Variants in LTBP1 observed in about 807,000 individuals in gnomAD.
The protein encoded by LTBP1 is latent transforming growth factor beta binding protein 1.
In LTBP1, 129 loss-of-function variants were observed where a neutral mutation model predicts 207.6. The observed-to-expected ratio is 0.62, with a 90% CI of 0.54 to 0.72. The LOEUF (loss-of-function observed/expected upper bound fraction) is 0.72, where lower values mean the gene tolerates loss of function less well. Ranked by LOEUF, LTBP1 falls within the 30% of genes least tolerant of loss-of-function variation. The pLI is 0.00. For missense variants in LTBP1, 2,281 were observed against 2,217.2 expected, an observed-to-expected ratio of 1.03 and a Z score of -0.58; for synonymous variants, 963 against 833.7, an observed-to-expected ratio of 1.16 and a Z score of -2.67.
chr2:33,355,671 C>A (rs1279472856), intron 26 of LTBP1, among the ~76,000 whole-genome samples: 1 of 152,108 alleles, frequency 6.6e-6, no homozygotes, highest in Admixed American at 6.5e-5. Context: ...TGCTTTTCCA[C>A]TCTAGAGTAA....
chr2:33,298,411 A>G (rs1281189624), intron 20 of LTBP1, among the ~76,000 whole-genome samples: 1 of 152,240 alleles, frequency 6.6e-6, no homozygotes, highest in Non-Finnish European at 1.5e-5. Context: ...TGTTGCAGAC[A>G]TCTTCACATG....
chr2:33,338,319 A>G (rs1012784515), intron 24 of LTBP1, among the ~76,000 whole-genome samples: 4 of 152,194 alleles, frequency 2.6e-5, no homozygotes, highest in African/African-American at 9.6e-5. Flanking sequence ...CTTCAGGTCA[A>G]TTATTTGGTT....
intron 3 of LTBP1, among the ~76,000 whole-genome samples, chr2:33,096,825 A>G (rs2079426070): frequency 6.6e-6 from 1 of 152,120 alleles, no homozygotes; most frequent in South Asian, 2.1e-4. Context: ...GCAGGAGGAT[A>G]ACTTGAGGCC....
chr2:33,306,672 T>C (rs1478684294), intron 22 of LTBP1, among the ~76,000 whole-genome samples: 4 of 152,206 alleles, frequency 2.6e-5, no homozygotes, highest in African/African-American at 9.6e-5. Context: ...AAATTCATAT[T>C]CCCAGGATTC....
At chr2:33,140,057 T>G (rs2082513320) in intron 5 of LTBP1, among the ~76,000 whole-genome samples, 1 of 152,218 alleles carries the variant, frequency 6.6e-6, no homozygotes, top group Non-Finnish European at 1.5e-5. Flanking sequence ...AATAAGTTTC[T>G]GAATGAATGA....
At chr2:33,283,538 G>A (rs553806522) in intron 19 of LTBP1, among the ~76,000 whole-genome samples, 181 of 135,480 alleles carry the variant, frequency 1.3e-3, no homozygotes, top group Non-Finnish European at 2.1e-3. Flanking sequence ...CCGGATTCAC[G>A]CCATTCTCCT....
chr2:32,950,554 CAAA>C (rs61179206), intron 2 of LTBP1, among the ~76,000 whole-genome samples: 13,185 of 114,880 alleles, frequency 0.11, 776 homozygotes, highest in Middle Eastern at 0.21. Context: ...GACTCTGTCT[CAAA>C]AAAAAAAAAA....
chr2:33,166,848 C>A (rs371134938), intron 5 of LTBP1, among the ~76,000 whole-genome samples: 20 of 152,174 alleles, frequency 1.3e-4, no homozygotes, highest in African/African-American at 4.6e-4. Flanking sequence ...CCCTGAATAG[C>A]GTTAGCATTT....
chr2:33,123,299 TG>T (rs2081255418), intron 4 of LTBP1, among the ~76,000 whole-genome samples: 1 of 152,188 alleles, frequency 6.6e-6, no homozygotes, highest in Non-Finnish European at 1.5e-5. Context: ...CCACATGGAA[TG>T]GAGAATGTTC....
At chr2:33,212,222 TC>T (rs1300703617) in intron 7 of LTBP1, among the ~76,000 whole-genome samples, 2 of 152,234 alleles carry the variant, frequency 1.3e-5, no homozygotes, top group African/African-American at 2.4e-5. Context: ...CACTCAGTGT[TC>T]CAGGAATCAT....
In LTBP1 at chr2:33,347,407, A is replaced by G; in HGVS notation, c.3897A>G (p.Glu1299=). ...ECELLSGVCG[E]AFCENVEGSF... ...AACTGCTCAGTGGGGTGTGTGGTGA[A>G]GCCTTCTGTGAAAACGTGGAAGGGT... The change falls in exon 26 of 34, where the codon GAA becomes GAG. Residue 1299 remains glutamate, a synonymous_variant. Transcript: ENST00000404816. The G allele has an allele frequency of 6.2e-7, 1 of 1,614,180 alleles. No individual in the cohort carries two copies.
chr2:33,315,268 A>G lies in LTBP1; in HGVS notation c.3729A>G (p.Glu1243=), dbSNP rs762166012. Residue 1243 remains glutamate (E), a splice_region_variant and synonymous_variant, in exon 24 of 34, where the codon GAA becomes GAG. Coordinates refer to ENST00000404816, the MANE Select transcript of LTBP1 (RefSeq NM_206943.4). The part of the protein sequence containing the change: ...FSISADGRTC[E]DIDECVNNTV... ...TCTCTGCAGATGGCCGTACGTGTGA[A>G]GGTAAGATAAACCATACGAAATCAT... 13 of 1,611,162 alleles carry G rather than the reference A, an allele frequency of 8.1e-6. No homozygotes were observed. In the East Asian group the frequency reaches 2.7e-4, roughly 33 times the overall value.
chr2:33,078,718 A>C (rs1400558706), intron 3 of LTBP1, among the ~76,000 whole-genome samples: 1 of 152,186 alleles, frequency 6.6e-6, no homozygotes, highest in Admixed American at 6.5e-5. Flanking sequence ...TTAAAAGTAG[A>C]AATTTAAGAG....
chr2:33,332,301 G>A lies in LTBP1; in HGVS notation c.3731-10537G>A, dbSNP rs1265320487. 4.0e-5 allele frequency among the ~76,000 whole-genome samples: 6 copies of A among 148,748 alleles called. No homozygotes were observed. The East Asian group carries it at 1.2e-3, about 29-fold the overall frequency. On this transcript the variant is annotated intron_variant, in intron 24 of 33. Coordinates refer to ENST00000404816, the MANE Select transcript of LTBP1 (RefSeq NM_206943.4). ...TAGTTACAGCTACTTGGGAGGCTGA[G>A]GTGGGAGGATCATTTGAGCTTAGGA... is the stretch of plus-strand genomic sequence containing the variant.
intron 23 of LTBP1, among the ~76,000 whole-genome samples, chr2:33,312,931 G>A (rs1573778941): frequency 6.6e-6 from 1 of 151,972 alleles, no homozygotes; most frequent in East Asian, 1.9e-4. Flanking sequence ...CAAGCCAGTG[G>A]AACTTCATGC....
intron 7 of LTBP1, among the ~76,000 whole-genome samples, chr2:33,201,287 C>T (rs917265014): frequency 6.6e-5 from 10 of 152,070 alleles, no homozygotes; most frequent in Non-Finnish European, 1.3e-4. Context: ...CCATGGAATA[C>T]TATGCAGCCA....
At chr2:33,284,388 A>G (rs894681644) in intron 19 of LTBP1, among the ~76,000 whole-genome samples, 1 of 151,958 alleles carries the variant, frequency 6.6e-6, no homozygotes, top group African/African-American at 2.4e-5. Context: ...CTTTTTGGCA[A>G]CTCTTGTTGG....
intron 20 of LTBP1, among the ~76,000 whole-genome samples, chr2:33,295,560 T>A (rs1355958298): frequency 3.9e-5 from 6 of 152,082 alleles, no homozygotes; most frequent in Non-Finnish European, 7.4e-5. Context: ...ATAATAATAA[T>A]AAATATGTGT....
chr2:33,243,761 A>G lies in LTBP1; in HGVS notation c.1976A>G (p.Asp659Gly). ...ACCTGCAAAATAGGATTTGGGCCGG[A>G]TCCTACCTTTTCAAGTTGTGTTCGT... ...RCTCKIGFGP[D>G]PTFSSCVPDP... The change falls in exon 10 of 34, where the codon GAT (aspartate) becomes GGT (glycine). Residue 659 changes from aspartate to glycine, a missense_variant. By Grantham distance (94) the Asp-to-Gly change is moderately conservative (BLOSUM62 -1). This residue lies in a region of LTBP1 where 1,671 missense variants were observed against 1,634.8 expected (regional missense o/e 1.02). Transcript: ENST00000404816. 2 of 1,614,084 alleles carry G rather than the reference A, an allele frequency of 1.2e-6. No homozygotes were observed. The highest frequency in any genetic ancestry group is 1.7e-6 in the Non-Finnish European group (2 of 1,179,966).
Sources: gnomAD v4.1 joint callset for allele counts (sites outside exome capture counted in the v4.1 genomes callset) on GRCh38, gnomAD v4.1.1 for gene constraint, gnomAD v4.1.1 regional missense constraint, MANE v1.5 for transcripts, NCBI Gene and HGNC (gene_info 2026-07-23, HGNC 2026-07-21) for gene names.